The following RNF17 variants were observed in gnomAD, a reference collection of about 807,000 sequenced individuals.
RNF17 encodes the protein spermatogenesis associated 23.
In RNF17, 31 loss-of-function variants were observed where a neutral mutation model predicts 200.5. The ratio of observed to expected loss-of-function variants is 0.15; its 90% CI spans 0.12 to 0.21. The LOEUF (loss-of-function observed/expected upper bound fraction) is 0.21, where lower values mean the gene tolerates loss of function less well. Among genes scored for constraint, RNF17 ranks in the 10% least tolerant of loss-of-function variants. RNF17 has a pLI of 1.00. For missense variants in RNF17, 1,628 were observed against 1,905.1 expected (o/e 0.85, Z 2.71); for synonymous variants, 606 against 637.8 (o/e 0.95, Z 0.75).
At chr13:24,886,910 A>ACCCC in the RNF17 span, among the ~76,000 whole-genome samples, 1 of 152,132 alleles carries the variant, frequency 6.6e-6, no homozygotes, top group Admixed American at 6.5e-5. Flanking sequence ...ATTAACTTGA[A>ACCCC]CCCCCAAAGT....
At chr13:24,844,149 T>A (rs1890984727) in intron 20 of RNF17, among the ~76,000 whole-genome samples, 178 bp downstream of exon 20, 1 of 152,196 alleles carries the variant, frequency 6.6e-6, no homozygotes, top group Non-Finnish European at 1.5e-5. Flanking sequence ...TTCACTGCAT[T>A]AGAATTTATT....
chr13:24,763,668 G>A (rs1474608195), upstream of RNF17, among the ~76,000 whole-genome samples: 1 of 152,078 alleles, frequency 6.6e-6, no homozygotes, highest in Non-Finnish European at 1.5e-5. Context: ...CTCTTGGCAC[G>A]CTGCCTTGTA....
At chr13:24,774,738 A>G in intron 2 of RNF17, 75 bp from the exon 3 acceptor site, 1 of 819,974 alleles carries the variant, frequency 1.2e-6, no homozygotes, top group Admixed American at 2.2e-5. Context: ...TAGCACACTT[A>G]AATAGTTGTT....
intron 15 of RNF17, among the ~76,000 whole-genome samples, chr13:24,822,449 T>C (rs1226478275): frequency 6.6e-6 from 1 of 151,110 alleles, no homozygotes; most frequent in Non-Finnish European, 1.5e-5. Context: ...TGAGATGGAG[T>C]CTCACTGTGT....
chr13:24,811,967 C>T (rs1886698130), intron 15 of RNF17, among the ~76,000 whole-genome samples: 1 of 152,068 alleles, frequency 6.6e-6, no homozygotes, highest in Non-Finnish European at 1.5e-5. Flanking sequence ...GGTCAGGGGT[C>T]AGGGACCCAC....
At chr13:24,815,614 A>G (rs921861311) in intron 15 of RNF17, among the ~76,000 whole-genome samples, 3 of 152,150 alleles carry the variant, frequency 2.0e-5, no homozygotes, top group African/African-American at 7.2e-5. Flanking sequence ...CATGTTGAAT[A>G]CAAGATGAAG....
At chr13:24,830,771 A>G (rs79857394) in intron 17 of RNF17, among the ~76,000 whole-genome samples, 172 bp downstream of exon 17, 2,338 of 152,316 alleles carry the variant, frequency 0.015, 62 homozygotes, top group East Asian at 0.081. Context: ...TATGTATATC[A>G]TGGCAAATAA....
In RNF17 at chr13:24,825,690, T is replaced by C; in HGVS notation, c.2163T>C (p.Asn721=). ...EEFYKSEDGE[N]LEILCPVQDQ... is the part of the protein sequence containing the mutation. ...TCTATAAAAGTGAAGATGGAGAAAA[T>C]CTGGAAATCCTCTGTCCAGTTCAAG... The change falls in exon 16 of 36, where the codon AAT becomes AAC. Residue 721 remains asparagine (N), a synonymous_variant. Transcript: ENST00000255324. The C allele has an allele frequency of 6.2e-7, 1 of 1,612,516 alleles. No homozygotes were observed. Among genetic ancestry groups the C allele is most frequent in the South Asian group, 1.1e-5 (1 of 91,022 alleles).
chr13:24,789,650 A>G (rs113784879), intron 8 of RNF17, 48 bp from the exon 9 acceptor site: 1 of 1,217,922 alleles, frequency 8.2e-7, no homozygotes, highest in Non-Finnish European at 1.2e-6. Context: ...AGAGAACATG[A>G]TACATTTGTA....
chr13:24,855,667 G>GATTAC (rs1156656927), intron 25 of RNF17, among the ~76,000 whole-genome samples: 10 of 151,674 alleles, frequency 6.6e-5, no homozygotes, highest in Non-Finnish European at 1.3e-4. Context: ...TCTAGGTAAT[G>GATTAC]TCAAATTGTT....
At chr13:24,824,049 C>T (rs1459239767) in intron 15 of RNF17, 4 of 584,292 alleles carry the variant, frequency 6.8e-6, no homozygotes, top group Admixed American at 3.0e-5. Context: ...AACTGGACTG[C>T]CACTGCTTAA....
chr13:24,797,705 A>AGTGTGTGTGTCTGTGTGTGTGTGTGTGT lies in RNF17; in HGVS notation c.1399+1420_1399+1421insCTGTGTGTGTGTGTGTGTGTGTGTGTGT, dbSNP rs61635829. Among the ~76,000 whole-genome samples, 58 of 119,092 alleles carry AGTGTGTGTGTCTGTGTGTGTGTGTGTGT rather than the reference A, an allele frequency of 4.9e-4. 2 individuals carry two copies. Among genetic ancestry groups the AGTGTGTGTGTCTGTGTGTGTGTGTGTGT allele is most frequent in the African/African-American group, 1.9e-3 (58 of 31,276 alleles). 78.1% of individuals were successfully genotyped at this position (119,092 alleles called of 152,430 possible). On this transcript the variant is annotated intron_variant, in intron 11 of 35. Transcript: ENST00000255324. Reference sequence around the variant, plus strand: ...GAGAGAGAGAGAGAGAGAGACAAAGAGTGTGTGTGTGTGTGTGTGTGTGTG... The same window carrying AGTGTGTGTGTCTGTGTGTGTGTGTGTGT: ...GAGAGAGAGAGAGAGAGAGACAAAGAGTGTGTGTGTCTGTGTGTGTGTGTGTGTGTGTGTGTGTGTGTGTGTGTGTGTG...
intron 6 of RNF17, among the ~76,000 whole-genome samples, chr13:24,782,380 C>T (rs766414361): frequency 6.6e-6 from 1 of 151,828 alleles, no homozygotes; most frequent in African/African-American, 2.4e-5. Context: ...TTTTGTTTTC[C>T]GAGACAAGGG....
At position 24,780,877 on chromosome 13, in the gene RNF17, G is replaced by A. The variant is rs181931503; in HGVS notation, c.511-967G>A. Reference sequence around the variant, plus strand: ...AGCCTGGTTGATGGAGTAAAACTCCGTTTCCAAAAAAAAAAATTAAAAATT... The same window carrying A: ...AGCCTGGTTGATGGAGTAAAACTCCATTTCCAAAAAAAAAAATTAAAAATT... On this transcript the variant is annotated intron_variant, in intron 5 of 35. Coordinates refer to ENST00000255324, the MANE Select transcript of RNF17 (RefSeq NM_031277.3). Among the ~76,000 whole-genome samples, 611 of 150,496 alleles carry A rather than the reference G, an allele frequency of 4.1e-3. 5 individuals are homozygous for A. The highest frequency in any genetic ancestry group is 0.016 in the Admixed American group (246 of 15,144).
At chr13:24,831,117 T>A (rs1440733185) in intron 17 of RNF17, among the ~76,000 whole-genome samples, 1 of 152,118 alleles carries the variant, frequency 6.6e-6, no homozygotes. Flanking sequence ...TTTTAGGAAG[T>A]GTGTAGTATT....
intron 18 of RNF17, among the ~76,000 whole-genome samples, chr13:24,835,073 C>T (rs535090155): frequency 8.5e-5 from 13 of 152,090 alleles, no homozygotes; most frequent in Non-Finnish European, 1.8e-4. Flanking sequence ...TCCCTGACAA[C>T]CTGCATGACT....
chr13:24,881,006 ATTGAG>A (rs979111063), downstream of RNF17, among the ~76,000 whole-genome samples: 32 of 152,014 alleles, frequency 2.1e-4, no homozygotes, highest in African/African-American at 2.4e-4. Flanking sequence ...CCATTTTTCT[ATTGAG>A]TTATTTGCAA....
chr13:24,797,705 A>AGTGTGTGTGTGT (rs777888152), intron 11 of RNF17, among the ~76,000 whole-genome samples: 6,400 of 118,568 alleles, frequency 0.054, 260 homozygotes, highest in Non-Finnish European at 0.074. Flanking sequence ...AGAGACAAAG[A>AGTGTGTGTGTGT]GTGTGTGTGT....
chr13:24,753,397 G>A, the RNF17 span, among the ~76,000 whole-genome samples: 1 of 152,192 alleles, frequency 6.6e-6, no homozygotes, highest in African/African-American at 2.4e-5. Context: ...TGTATTAAAA[G>A]AGACACTTCA....
Sources: allele counts gnomAD v4.1 joint callset (sites outside exome capture counted in the v4.1 genomes callset), GRCh38; gene constraint gnomAD v4.1.1; transcripts MANE v1.5; gene names NCBI Gene and HGNC (gene_info 2026-07-23, HGNC 2026-07-21).